Variants in CHD7 observed in about 807,000 individuals in gnomAD.
The protein encoded by CHD7 is ATP-dependent chromatin remodeler CHD7.
A neutral mutation model predicts 307.3 loss-of-function variants in CHD7; 24 were observed. The ratio of observed to expected loss-of-function variants is 0.08; its 90% CI spans 0.06 to 0.11. The LOEUF (loss-of-function observed/expected upper bound fraction) is 0.11, where lower values mean the gene tolerates loss of function less well. Among genes scored for constraint, CHD7 ranks in the 10% least tolerant of loss-of-function variants. The pLI is 1.00. For missense variants in CHD7, 3,106 were observed against 3,727.1 expected, an observed-to-expected ratio of 0.83 and a Z score of 4.34; for synonymous variants, 1,363 against 1,349.9, an observed-to-expected ratio of 1.01 and a Z score of -0.21.
intron 2 of CHD7, among the ~76,000 whole-genome samples, chr8:60,775,631 T>C (rs1489365723): frequency 6.6e-6 from 1 of 152,210 alleles, no homozygotes; most frequent in Non-Finnish European, 1.5e-5. Flanking sequence ...AAGATCTTCA[T>C]GGAAAGAAGG....
intron 1 of CHD7, among the ~76,000 whole-genome samples, chr8:60,724,306 G>A (rs1808063482): frequency 6.6e-6 from 1 of 152,214 alleles, no homozygotes; most frequent in African/African-American, 2.4e-5. Context: ...CAGCATTTGA[G>A]TATTGTAGAT....
chr8:60,743,226 AT>A, intron 2 of CHD7, 129 bp downstream of exon 2: 2 of 789,954 alleles, frequency 2.5e-6, no homozygotes, highest in Non-Finnish European at 4.3e-6. Flanking sequence ...TTTATTTGTT[AT>A]TGGCTTATGC....
chr8:60,744,132 C>A (rs903272564), intron 2 of CHD7, among the ~76,000 whole-genome samples: 4 of 152,150 alleles, frequency 2.6e-5, no homozygotes, highest in Non-Finnish European at 5.9e-5. Flanking sequence ...GGGAGGTGAA[C>A]CCAGGTCAGC....
At chr8:60,827,025 C>T (rs1375607288) in intron 13 of CHD7, among the ~76,000 whole-genome samples, 1 of 152,164 alleles carries the variant, frequency 6.6e-6, no homozygotes, top group Non-Finnish European at 1.5e-5. Context: ...TTGTTACCCA[C>T]TTTCAAATTG....
chr8:60,697,493 A>C (rs554166284), intron 1 of CHD7, among the ~76,000 whole-genome samples: 1 of 152,358 alleles, frequency 6.6e-6, no homozygotes, highest in South Asian at 2.1e-4. Context: ...CATTATCCCC[A>C]AAATAATAAA....
chr8:60,798,019 G>T (rs1034747475), intron 4 of CHD7, among the ~76,000 whole-genome samples: 2 of 152,174 alleles, frequency 1.3e-5, no homozygotes, highest in Non-Finnish European at 2.9e-5. Flanking sequence ...ATTCATATGA[G>T]GTAGTTACTG....
chr8:60,680,340 G>A (rs915439420), intron 1 of CHD7, among the ~76,000 whole-genome samples: 6 of 145,238 alleles, frequency 4.1e-5, no homozygotes, highest in African/African-American at 1.5e-4. Context: ...GCGGGGGCGC[G>A]GGCACCGGCT....
At chr8:60,708,743 T>C (rs1463489687) in intron 1 of CHD7, among the ~76,000 whole-genome samples, 2 of 152,216 alleles carry the variant, frequency 1.3e-5, no homozygotes, top group Non-Finnish European at 2.9e-5. Flanking sequence ...CCTGTCGAAA[T>C]TCTGCTTGTT....
intron 2 of CHD7, among the ~76,000 whole-genome samples, chr8:60,743,769 G>A (rs1809181305): frequency 6.6e-6 from 1 of 152,188 alleles, no homozygotes; most frequent in Non-Finnish European, 1.5e-5. Context: ...ACAGATTTAA[G>A]TTTATCATAT....
chr8:60,783,204 A>G lies in CHD7; in HGVS notation c.2096+1774A>G, dbSNP rs75208874. Among the ~76,000 whole-genome samples, 136 of 152,364 alleles carry G rather than the reference A, an allele frequency of 8.9e-4. 2 individuals carry two copies. The highest frequency in any genetic ancestry group is 3.2e-3 in the African/African-American group (131 of 41,584). On this transcript the variant is annotated intron_variant, in intron 3 of 37. Transcript: ENST00000423902. Reference sequence around the variant, plus strand: ...ATGTCTTTTTAAGTTCTGAATCTACATCAGACTGGCTCTATGTTTAAAAAC... The same window carrying G: ...ATGTCTTTTTAAGTTCTGAATCTACGTCAGACTGGCTCTATGTTTAAAAAC...
chr8:60,708,678 T>TG (rs1807130170), intron 1 of CHD7, among the ~76,000 whole-genome samples: 1 of 152,218 alleles, frequency 6.6e-6, no homozygotes, highest in Non-Finnish European at 1.5e-5. Flanking sequence ...CCATGCCTCT[T>TG]GCTTTTGCTT....
At chr8:60,791,406 G>A (rs762967190) in intron 3 of CHD7, among the ~76,000 whole-genome samples, 3 of 152,188 alleles carry the variant, frequency 2.0e-5, no homozygotes, top group Admixed American at 1.3e-4. Flanking sequence ...TTGTGGTTCT[G>A]TATCTGCGTC....
chr8:60,762,492 G>A (rs1049123247), intron 2 of CHD7, among the ~76,000 whole-genome samples: 20 of 152,134 alleles, frequency 1.3e-4, no homozygotes, highest in African/African-American at 4.8e-4. Flanking sequence ...GAATTACATA[G>A]CTTCTCTGTG....
Position 60,857,756 on chromosome 8 carries a change from G to T in CHD7, c.7608+868G>T, listed in dbSNP as rs1464714114. Among the ~76,000 whole-genome samples the T allele has an allele frequency of 2.6e-5, 4 of 152,166 alleles. No individual in the cohort carries two copies. In the East Asian group the frequency reaches 7.7e-4, roughly 29 times the overall value. On this transcript the variant is annotated intron_variant, in intron 34 of 37. Coordinates refer to ENST00000423902, the MANE Select transcript of CHD7 (RefSeq NM_017780.4). Reference sequence around the variant, plus strand: ...AATTTGAGATTGAGGGAAGACAGTTGTCTGTTTCAACATGTTTTTACTTAC... The same window carrying T: ...AATTTGAGATTGAGGGAAGACAGTTTTCTGTTTCAACATGTTTTTACTTAC...
At chr8:60,822,411 T>C (rs957222656) in intron 11 of CHD7, 92 bp from the exon 12 acceptor site, 1 of 1,245,674 alleles carries the variant, frequency 8.0e-7, no homozygotes, top group African/African-American at 1.5e-5. Context: ...TGGGTATGCA[T>C]TTGTGGGTAC....
At chr8:60,740,618 C>CAACA (rs1808948770) in intron 1 of CHD7, among the ~76,000 whole-genome samples, 1 of 152,212 alleles carries the variant, frequency 6.6e-6, no homozygotes, top group African/African-American at 2.4e-5. Context: ...ATTTATTGTA[C>CAACA]TGTTCTCAAG....
intron 6 of CHD7, among the ~76,000 whole-genome samples, chr8:60,804,544 T>C (rs1812454228): frequency 6.6e-6 from 1 of 152,162 alleles, no homozygotes. Flanking sequence ...TTTCCCTAAG[T>C]GAACTGTGAT....
chr8:60,717,247 A>G (rs1807656147), intron 1 of CHD7, among the ~76,000 whole-genome samples: 1 of 152,238 alleles, frequency 6.6e-6, no homozygotes, highest in African/African-American at 2.4e-5. Flanking sequence ...GCTTCCTTGT[A>G]AATGAAAGAT....
At chr8:60,835,927 ATGAG>A in intron 15 of CHD7, 142 bp from the exon 16 acceptor site, 2 of 639,304 alleles carry the variant, frequency 3.1e-6, no homozygotes, top group Non-Finnish European at 5.4e-6. Context: ...AGACCCAACT[ATGAG>A]TAAGTGGATG....
Sources: allele counts gnomAD v4.1 joint callset (sites outside exome capture counted in the v4.1 genomes callset), GRCh38; gene constraint gnomAD v4.1.1; transcripts MANE v1.5; gene names NCBI Gene and HGNC (gene_info 2026-07-23, HGNC 2026-07-21).